ATF1: variants seen among roughly 807,000 people sequenced by gnomAD.
ATF1 encodes cyclic AMP-dependent transcription factor ATF-1.
A neutral mutation model predicts 34.7 loss-of-function variants in ATF1; 16 were observed. That is an observed-to-expected ratio of 0.46 (90% CI 0.31 to 0.70). The LOEUF (loss-of-function observed/expected upper bound fraction) is 0.70, where lower values mean the gene tolerates loss of function less well. ATF1 is among the 30% of genes least tolerant of loss of function. ATF1 has a pLI of 0.05. For synonymous variants in ATF1, 105 were observed against 113.1 expected, an observed-to-expected ratio of 0.93 and a Z score of 0.46; for missense variants, 255 against 321.6, an observed-to-expected ratio of 0.79 and a Z score of 1.58.
chr12:50,805,327 G>A (rs1941594006), intron 3 of ATF1, among the ~76,000 whole-genome samples: 1 of 151,860 alleles, frequency 6.6e-6, no homozygotes, highest in South Asian at 2.1e-4. Flanking sequence ...AGGCCGAGGT[G>A]GCCAGATTGC....
intron 1 of ATF1, among the ~76,000 whole-genome samples, chr12:50,778,114 C>G (rs1421194404): frequency 6.6e-6 from 1 of 151,596 alleles, no homozygotes; most frequent in East Asian, 1.9e-4. Context: ...CGGGCTCTCA[C>G]TATGTTGCCA....
intron 3 of ATF1, among the ~76,000 whole-genome samples, chr12:50,805,827 G>C (rs898477764): frequency 3.9e-5 from 6 of 151,988 alleles, no homozygotes; most frequent in Admixed American, 1.3e-4. Context: ...AAGCAGACTT[G>C]GTGGCCAATT....
chr12:50,785,648 A>G (rs564861048), intron 2 of ATF1, among the ~76,000 whole-genome samples: 1 of 152,316 alleles, frequency 6.6e-6, no homozygotes, highest in African/African-American at 2.4e-5. Flanking sequence ...AGGAGGCTAG[A>G]CTAGAGAAGA....
intron 2 of ATF1, among the ~76,000 whole-genome samples, chr12:50,794,059 T>G (rs2139668727): frequency 6.6e-6 from 1 of 151,988 alleles, no homozygotes; most frequent in African/African-American, 2.4e-5. Context: ...CACGCCCTTC[T>G]CCTGCCTCAG....
At chr12:50,777,601 C>T (rs1940955372) in intron 1 of ATF1, among the ~76,000 whole-genome samples, 1 of 151,464 alleles carries the variant, frequency 6.6e-6, no homozygotes, top group Non-Finnish European at 1.5e-5. Context: ...CATGGCAAAA[C>T]CCCATCTGTA....
chr12:50,773,838 C>T (rs1940843829), intron 1 of ATF1, among the ~76,000 whole-genome samples: 1 of 152,030 alleles, frequency 6.6e-6, no homozygotes, highest in African/African-American at 2.4e-5. Flanking sequence ...GATCTGCCCG[C>T]CTCGATCTCC....
chr12:50,796,118 T>C (rs1169855985), intron 3 of ATF1, 109 bp downstream of exon 3: 1 of 923,054 alleles, frequency 1.1e-6, no homozygotes, highest in Non-Finnish European at 1.6e-6. Flanking sequence ...GTGTTAAGAA[T>C]GAAATTGGTT....
intron 2 of ATF1, among the ~76,000 whole-genome samples, chr12:50,787,260 C>T (rs554920178): frequency 1.1e-4 from 17 of 152,212 alleles, no homozygotes; most frequent in African/African-American, 3.1e-4. Flanking sequence ...CTGTCAAAAA[C>T]CAAAACAATA....
intron 2 of ATF1, 112 bp downstream of exon 2, chr12:50,780,350 GTT>G: frequency 1.1e-6 from 1 of 916,664 alleles, no homozygotes; most frequent in Non-Finnish European, 1.6e-6. Flanking sequence ...TGTTTTTTGG[GTT>G]TTTTTTTTCG....
rs776655968 is a variant in ATF1 at position 50,819,648 on chromosome 12, G to C, written c.685G>C (p.Glu229Gln). Residue 229 changes from glutamate to glutamine, a missense_variant, in exon 7 of 7, where the codon GAA becomes CAA. Around this residue, in one of 2 missense-constraint regions of ATF1, gnomAD observed 34 missense variants for 70.8 expected, o/e 0.48. Transcript: ENST00000262053. ...RLMKNREAAR[E>Q]CRRKKKEYVK... ...GCTCATATTTAGAGAAGCTGCTCGA[G>C]AATGTCGCAGAAAGAAGAAAGAATA... The C allele has an allele frequency of 1.9e-6, 3 of 1,612,426 alleles. No homozygotes were observed. The South Asian group carries it at 3.3e-5, about 18-fold the overall frequency.
At chr12:50,811,666 T>C (rs7133997) in intron 4 of ATF1, among the ~76,000 whole-genome samples, 1,551 of 148,354 alleles carry the variant, frequency 0.01, 29 homozygotes, top group African/African-American at 0.037. Flanking sequence ...CATCATGGCA[T>C]GTGACTAGTC....
chr12:50,780,406 A>G (rs1357914185), intron 2 of ATF1, among the ~76,000 whole-genome samples, 168 bp downstream of exon 2: 2 of 151,354 alleles, frequency 1.3e-5, no homozygotes, highest in African/African-American at 4.8e-5. Flanking sequence ...GTGCAGTGGC[A>G]TGATCTCGGC....
chr12:50,784,466 C>T (rs2139655924), intron 2 of ATF1, among the ~76,000 whole-genome samples: 1 of 152,138 alleles, frequency 6.6e-6, no homozygotes, highest in East Asian at 1.9e-4. Context: ...AACTGTGAGA[C>T]TAATATGTGC....
chr12:50,768,337 C>G (rs1940689789), intron 1 of ATF1, among the ~76,000 whole-genome samples: 1 of 152,102 alleles, frequency 6.6e-6, no homozygotes. Flanking sequence ...TGATAAAATT[C>G]AAAAGCCAGA....
rs778561943 is a variant in ATF1, at chr12:50,789,627, C to T, written c.94-6282C>T. 3.3e-5 allele frequency among the ~76,000 whole-genome samples: 5 copies of T among 151,986 alleles called. No individual in the cohort carries two copies. The East Asian group carries it at 5.8e-4, about 18-fold the overall frequency. On this transcript the variant is annotated intron_variant, in intron 2 of 6. Transcript: ENST00000262053. Reference sequence around the variant, plus strand: ...ACAAAAATTAGCCGGAAGTAGTGGGCGCCTGTCATCCCAGCTACTCGGGAG... The same window carrying T: ...ACAAAAATTAGCCGGAAGTAGTGGGTGCCTGTCATCCCAGCTACTCGGGAG...
rs1050478286 is a variant in ATF1, at chr12:50,820,741, A to C, written c.*962A>C. 1.1e-5 allele frequency: 2 copies of C among 179,402 alleles called. No homozygotes were observed. The highest frequency in any genetic ancestry group is 2.4e-5 in the Non-Finnish European group (2 of 83,504). 11.1% of individuals were successfully genotyped at this position (179,402 alleles called of 1,614,324 possible). A position where few individuals can be genotyped will look rare whatever the true frequency, so the allele number is the denominator to read the frequency against. On this transcript the variant is annotated 3_prime_UTR_variant, in exon 7 of 7. Transcript: ENST00000262053. ...TCTATAATAGTATAGTTATTAAGGC[A>C]ATTTTATGTTAGAGACTATTTTGTA...
At chr12:50,772,834 A>T (rs1940810586) in intron 1 of ATF1, among the ~76,000 whole-genome samples, 1 of 151,894 alleles carries the variant, frequency 6.6e-6, no homozygotes, top group African/African-American at 2.4e-5. Context: ...ATGTGCCATG[A>T]TGGTTTGCTG....
chr12:50,819,556 G>T, intron 6 of ATF1, 79 bp from the exon 7 acceptor site: 1 of 1,511,468 alleles, frequency 6.6e-7, no homozygotes, highest in Non-Finnish European at 9.0e-7. Flanking sequence ...AGGTGACCAC[G>T]GAAAATTACT....
intron 4 of ATF1, among the ~76,000 whole-genome samples, chr12:50,812,601 G>T (rs546332087): frequency 6.6e-6 from 1 of 152,186 alleles, no homozygotes; most frequent in Non-Finnish European, 1.5e-5. Context: ...GGAGGCCAAA[G>T]TGGGAGGATC....
Sources: allele counts gnomAD v4.1 joint callset (sites outside exome capture counted in the v4.1 genomes callset), GRCh38; gene constraint gnomAD v4.1.1; regional missense constraint gnomAD v4.1.1; transcripts MANE v1.5; gene names NCBI Gene and HGNC (gene_info 2026-07-23, HGNC 2026-07-21).